Variants in PTPRK observed in about 807,000 individuals in gnomAD.
PTPRK encodes the protein receptor-type tyrosine-protein phosphatase kappa.
In PTPRK, 75 loss-of-function variants were observed where a neutral mutation model predicts 178.0. That is an observed-to-expected ratio of 0.42 (90% confidence interval 0.35 to 0.51). The LOEUF is 0.51. Among genes scored for constraint, PTPRK ranks in the 20% least tolerant of loss-of-function variants. PTPRK has a pLI of 0.02. For synonymous variants in PTPRK, 637 were observed against 620.6 expected (o/e 1.03, Z -0.39); for missense variants, 1,441 against 1,797.8 (o/e 0.80, Z 3.59).
intron 2 of PTPRK, among the ~76,000 whole-genome samples, chr6:128,363,263 A>G (rs1835020791): frequency 6.6e-6 from 1 of 152,084 alleles, no homozygotes; most frequent in Admixed American, 6.6e-5. Context: ...AACACCCATG[A>G]AGGTTCTCCA....
intron 7 of PTPRK, among the ~76,000 whole-genome samples, chr6:128,124,978 T>C (rs1011026991): frequency 2.0e-5 from 3 of 152,178 alleles, no homozygotes; most frequent in African/African-American, 7.2e-5. Flanking sequence ...TACCATTGAC[T>C]CTCCTGTTCT....
intron 13 of PTPRK, among the ~76,000 whole-genome samples, chr6:128,021,442 C>A (rs1208596755): frequency 1.3e-5 from 2 of 152,146 alleles, no homozygotes; most frequent in African/African-American, 4.8e-5. Context: ...GGAGACCATC[C>A]TGGCTAACAC....
chr6:128,186,740 T>G (rs1802829594), intron 6 of PTPRK, among the ~76,000 whole-genome samples: 1 of 152,152 alleles, frequency 6.6e-6, no homozygotes, highest in Admixed American at 6.6e-5. Context: ...ACAACTTTTG[T>G]ACTCAGAGTT....
At position 127,999,022 on chromosome 6, in the gene PTPRK, C is replaced by A. The variant is rs1048169084; in HGVS notation, c.2495-118G>T. ...GATCTTTCTGATAACAAGAGGAATT[C>A]TGGGAAAGAAATATCATACAGTATA... On this transcript the variant is annotated intron_variant, in intron 15 of 29. Transcript: ENST00000368226. 5.6e-6 allele frequency: 5 copies of A among 898,288 alleles called. No homozygotes were observed. The African/African-American group carries it at 6.8e-5, about 12-fold the overall frequency. 55.6% of individuals were successfully genotyped at this position (898,288 alleles called of 1,614,324 possible). A position where few individuals can be genotyped will look rare whatever the true frequency, so the allele number is the denominator to read the frequency against.
At chr6:128,159,235 T>A (rs1798349699) in intron 7 of PTPRK, among the ~76,000 whole-genome samples, 1 of 151,990 alleles carries the variant, frequency 6.6e-6, no homozygotes, top group South Asian at 2.1e-4. Flanking sequence ...ATGATCAGTT[T>A]CATCTACATG....
chr6:128,042,725 C>T (rs1426041433), intron 13 of PTPRK, among the ~76,000 whole-genome samples: 2 of 152,034 alleles, frequency 1.3e-5, no homozygotes, highest in Admixed American at 6.6e-5. Context: ...TAGATGTAGA[C>T]ATCTTTGTGG....
At position 128,519,136 on chromosome 6, in the gene PTPRK, G is replaced by C. The variant is rs1317353609; in HGVS notation, c.100+1123C>G. 3.9e-6 allele frequency: 2 copies of C among 517,544 alleles called. No homozygotes were observed. Among genetic ancestry groups the C allele is most frequent in the Non-Finnish European group, 7.9e-6 (2 of 252,378 alleles). 32.1% of individuals were successfully genotyped at this position (517,544 alleles called of 1,614,324 possible). On this transcript the variant is annotated intron_variant, in intron 1 of 29. Transcript: ENST00000368226. This position sits in a 1 kb window ranked among gnomAD's most constrained non-coding sequence, Gnocchi z 4.3. ...AGCAGCAGATGCGCTCGCCAGCCAA[G>C]CGAAGCTGGGTAGGTTGGCCAGAAA... is the stretch of plus-strand genomic sequence containing the variant.
rs1414140262 is a variant in PTPRK at position 128,519,368 on chromosome 6, G to A, written c.100+891C>T. 6.6e-6 allele frequency among the ~76,000 whole-genome samples: 1 copy of A among 152,216 alleles called. No individual in the cohort carries two copies. Among genetic ancestry groups the A allele is most frequent in the East Asian group, 1.9e-4 (1 of 5,180 alleles). ...TGAGCGGCTTGACCGAGAACCCCCA[G>A]GGCTACAGCGAGACGCTCCACTTGT... On this transcript the variant is annotated intron_variant, in intron 1 of 29. Transcript: ENST00000368226. This position sits in a 1 kb window ranked among gnomAD's most constrained non-coding sequence, Gnocchi z 4.3.
intron 13 of PTPRK, among the ~76,000 whole-genome samples, chr6:128,017,762 A>G (rs1021054605): frequency 5.7e-5 from 1 of 17,590 alleles, no homozygotes; most frequent in Admixed American, 6.4e-4. Context: ...ATATATATAC[A>G]TATATAAATA....
chr6:128,062,681 T>C (rs1480820836), intron 13 of PTPRK: 2 of 163,954 alleles, frequency 1.2e-5, no homozygotes, highest in Non-Finnish European at 2.9e-5. Context: ...ACTTCATATA[T>C]ATTTTATTTT....
intron 1 of PTPRK, among the ~76,000 whole-genome samples, chr6:128,475,280 A>C (rs760603420): frequency 7.2e-5 from 11 of 152,104 alleles, no homozygotes; most frequent in Non-Finnish European, 1.3e-4. Context: ...TTAAAGAGTG[A>C]CTTGTGCATA....
chr6:128,388,348 T>A (rs953549), intron 2 of PTPRK, among the ~76,000 whole-genome samples: 1 of 151,998 alleles, frequency 6.6e-6, no homozygotes, highest in Non-Finnish European at 1.5e-5. Flanking sequence ...GATGACCTAC[T>A]GAATGGAGAG....
At chr6:128,109,075 G>T (rs903978526) in intron 7 of PTPRK, among the ~76,000 whole-genome samples, 11 of 151,748 alleles carry the variant, frequency 7.2e-5, no homozygotes, top group African/African-American at 2.4e-4. Context: ...TAATTTCCAA[G>T]AACATTTAAA....
chr6:128,316,247 A>T lies in PTPRK; in HGVS notation c.495+5792T>A, dbSNP rs1284107611. ...GTGCTAGTTGAGAACATAAGCAAAG[A>T]ACTGGTATCTCTTCCACTGCTCCTT... On this transcript the variant is annotated intron_variant, in intron 3 of 29. Coordinates refer to ENST00000368226, the MANE Select transcript of PTPRK (RefSeq NM_002844.4). Among the ~76,000 whole-genome samples, 9 of 152,214 alleles carry T rather than the reference A, an allele frequency of 5.9e-5. 1 individual carries two copies. In the South Asian group the frequency reaches 1.2e-3, roughly 21 times the overall value.
intron 1 of PTPRK, among the ~76,000 whole-genome samples, chr6:128,417,160 T>G (rs1014930859): frequency 1.3e-5 from 2 of 151,982 alleles, no homozygotes; most frequent in Non-Finnish European, 2.9e-5. Context: ...AATTCCTTTT[T>G]TTTCTTGAGC....
At chr6:128,203,940 G>A (rs1479888218) in intron 6 of PTPRK, among the ~76,000 whole-genome samples, 1 of 151,894 alleles carries the variant, frequency 6.6e-6, no homozygotes, top group East Asian at 1.9e-4. Flanking sequence ...AATTCATATG[G>A]AACCAAAAAA....
intron 1 of PTPRK, among the ~76,000 whole-genome samples, chr6:128,434,430 C>T (rs537114780): frequency 1.3e-5 from 2 of 152,088 alleles, no homozygotes; most frequent in Non-Finnish European, 2.9e-5. Context: ...ACACAACACC[C>T]GGGGCAATTG....
intron 7 of PTPRK, among the ~76,000 whole-genome samples, chr6:128,108,881 G>C (rs76131312): frequency 0.026 from 3,902 of 152,210 alleles, 73 homozygotes; most frequent in Middle Eastern, 0.086. Context: ...GAATGAGCTA[G>C]TTCACATCTC....
chr6:128,103,473 C>T (rs1040195326), intron 7 of PTPRK, among the ~76,000 whole-genome samples: 10 of 152,134 alleles, frequency 6.6e-5, no homozygotes. Flanking sequence ...GGCACCCACC[C>T]CTAGTTGCTA....
Sources: allele counts gnomAD v4.1 joint callset (sites outside exome capture counted in the v4.1 genomes callset), GRCh38; gene constraint gnomAD v4.1.1; non-coding constraint Gnocchi (gnomAD v3.1); transcripts MANE v1.5; gene names NCBI Gene and HGNC (gene_info 2026-07-23, HGNC 2026-07-21).